ADAMTS20: variants seen among roughly 807,000 people sequenced by gnomAD.
ADAMTS20 encodes ADAM metallopeptidase with thrombospondin type 1 motif 20.
A neutral mutation model predicts 260.1 loss-of-function variants in ADAMTS20; 225 were observed. The ratio of observed to expected loss-of-function variants is 0.87; its 90% CI spans 0.78 to 0.97. The LOEUF is 0.97. ADAMTS20 is among the 50% of genes least tolerant of loss of function. ADAMTS20 has a pLI of 0.00. For missense variants in ADAMTS20, 2,400 were observed against 2,337.7 expected, an observed-to-expected ratio of 1.03 and a Z score of -0.55; for synonymous variants, 802 against 769.5, an observed-to-expected ratio of 1.04 and a Z score of -0.70.
chr12:43,532,105 G>C lies in ADAMTS20; in HGVS notation c.544C>G (p.Pro182Ala), dbSNP rs753177775. Residue 182 changes from proline (P) to alanine (A), a missense_variant, in exon 3 of 39, where the codon CCA (proline) becomes GCA (alanine). Physicochemically the swap from Pro to Ala is conservative, Grantham distance 27. Coordinates refer to ENST00000389420, the MANE Select transcript of ADAMTS20 (RefSeq NM_025003.5). The stretch of plus-strand genomic sequence containing the variant: ...AAGTCTTGTCTGTATATAAGATGTG[G>C]CTTGTTGTGACCATCTTCATATTCA... ...GNEYEDGHNK[P>A]HLIYRQDLNN... The C allele has an allele frequency of 6.2e-7, 1 of 1,612,332 alleles. No individual in the cohort carries two copies. The highest frequency in any genetic ancestry group is 8.5e-7 in the Non-Finnish European group (1 of 1,179,180).
chr12:43,439,168 T>C (rs1941611719), intron 18 of ADAMTS20, among the ~76,000 whole-genome samples: 1 of 152,206 alleles, frequency 6.6e-6, no homozygotes, highest in Non-Finnish European at 1.5e-5. Context: ...TCATGCCATC[T>C]ATACAATTAT....
intron 7 of ADAMTS20, among the ~76,000 whole-genome samples, chr12:43,486,637 A>T (rs1026646300): frequency 1.3e-5 from 2 of 152,218 alleles, no homozygotes; most frequent in African/African-American, 4.8e-5. Flanking sequence ...CAGAGTAAAA[A>T]GACAATGCAG....
At chr12:43,524,528 A>C (rs1191683676) in intron 3 of ADAMTS20, among the ~76,000 whole-genome samples, 2 of 150,856 alleles carry the variant, frequency 1.3e-5, no homozygotes, top group African/African-American at 2.4e-5. Context: ...GAAATGCCAG[A>C]TAAAGAATTC....
intron 2 of ADAMTS20, among the ~76,000 whole-genome samples, chr12:43,548,952 T>C (rs1475521877): frequency 1.2e-4 from 18 of 152,036 alleles, no homozygotes; most frequent in Non-Finnish European, 1.5e-5. Context: ...TTACTTGCCA[T>C]TCAAAGTATG....
At chr12:43,548,298 T>C (rs1291211098) in intron 2 of ADAMTS20, among the ~76,000 whole-genome samples, 2 of 152,162 alleles carry the variant, frequency 1.3e-5, no homozygotes, top group Non-Finnish European at 2.9e-5. Context: ...GAGGCCAAAG[T>C]CAGATATCAA....
At chr12:43,434,107 G>C in intron 19 of ADAMTS20, 138 bp downstream of exon 19, 1 of 910,844 alleles carries the variant, frequency 1.1e-6, no homozygotes. Context: ...CCATAAAATA[G>C]TGAGCCTGAA....
At chr12:43,523,713 T>A (rs1420693212) in intron 3 of ADAMTS20, among the ~76,000 whole-genome samples, 1 of 152,134 alleles carries the variant, frequency 6.6e-6, no homozygotes, top group Non-Finnish European at 1.5e-5. Flanking sequence ...GAGGAAGCTA[T>A]GCTCTCCTCT....
chr12:43,550,867 C>G (rs913144909), intron 2 of ADAMTS20, 42 bp downstream of exon 2: 1 of 1,488,948 alleles, frequency 6.7e-7, no homozygotes, highest in African/African-American at 1.4e-5. Context: ...GTAGCCCTTG[C>G]CTGGATCCCA....
chr12:43,379,620 C>T (rs192097863), intron 31 of ADAMTS20, among the ~76,000 whole-genome samples: 33 of 152,176 alleles, frequency 2.2e-4, no homozygotes, highest in Middle Eastern at 6.8e-3. Context: ...TTATTGGTTC[C>T]AGATATTAAG....
Position 43,454,599 on chromosome 12 carries a change from C to A in ADAMTS20, c.1615-547G>T, listed in dbSNP as rs1941931278. On this transcript the variant is annotated intron_variant, in intron 11 of 38. Transcript: ENST00000389420. ...TTCAGCCTTGCTACCTGTTAGCACA[C>A]ATGGAAAATTCACTATCCCAGACAA... Among the ~76,000 whole-genome samples, 4 of 152,190 alleles carry A rather than the reference C, an allele frequency of 2.6e-5. No individual in the cohort carries two copies. The South Asian group carries it at 8.3e-4, about 32-fold the overall frequency.
intron 31 of ADAMTS20, among the ~76,000 whole-genome samples, chr12:43,382,061 A>G (rs1182068171): frequency 6.6e-6 from 1 of 152,174 alleles, no homozygotes; most frequent in African/African-American, 2.4e-5. Flanking sequence ...TGGTGTGGCC[A>G]CTGTGGAAAA....
intron 19 of ADAMTS20, among the ~76,000 whole-genome samples, chr12:43,434,042 G>C (rs571311379): frequency 1.3e-5 from 2 of 152,008 alleles, no homozygotes; most frequent in African/African-American, 2.4e-5. Context: ...CCTATATACT[G>C]GTATTCAGAA....
rs951442632 is a variant in ADAMTS20 at position 43,551,971 on chromosome 12, A to T, written c.-50T>A. On this transcript the variant is annotated 5_prime_UTR_variant, in exon 1 of 39. Coordinates refer to ENST00000389420, the MANE Select transcript of ADAMTS20 (RefSeq NM_025003.5). This position sits in a 1 kb window ranked among gnomAD's most constrained non-coding sequence, Gnocchi z 4.6. ...GGGGAGGCCCACCAGAGCCGCCGGC[A>T]GCCAAGCCGGCTTCCCTCGCGCTCC... 6.5e-7 allele frequency: 1 copy of T among 1,532,410 alleles called. No individual in the cohort carries two copies. The highest frequency in any genetic ancestry group is 9.0e-7 in the Non-Finnish European group (1 of 1,108,896). The allele number at this position is 1,532,410 out of a possible 1,614,324, so 94.9% of individuals were successfully genotyped here. A position where few individuals can be genotyped will look rare whatever the true frequency, so the allele number is the denominator to read the frequency against.
chr12:43,432,267 T>G (rs148381545), intron 21 of ADAMTS20, 37 bp downstream of exon 21: 3 of 1,582,994 alleles, frequency 1.9e-6, no homozygotes, highest in Non-Finnish European at 2.6e-6. Context: ...ACTAACACAA[T>G]ATTTTAATAG....
At chr12:43,356,432 G>T (rs1939744037) in intron 38 of ADAMTS20, 52 bp downstream of exon 38, 4 of 1,223,506 alleles carry the variant, frequency 3.3e-6, no homozygotes, top group African/African-American at 3.0e-5. Context: ...TTTAATGCTA[G>T]TTCATAGCTC....
At chr12:43,530,068 T>C (rs1943199448) in intron 3 of ADAMTS20, among the ~76,000 whole-genome samples, 1 of 152,122 alleles carries the variant, frequency 6.6e-6, no homozygotes, top group African/African-American at 2.4e-5. Flanking sequence ...TAGATAAATA[T>C]TGTAGAAAAA....
chr12:43,543,093 A>T (rs1328064881), intron 2 of ADAMTS20, among the ~76,000 whole-genome samples: 2 of 152,144 alleles, frequency 1.3e-5, no homozygotes, highest in Non-Finnish European at 2.9e-5. Flanking sequence ...TGAGGCCAGG[A>T]GTTCAAGACC....
chr12:43,415,108 T>C (rs1467643674), intron 28 of ADAMTS20, among the ~76,000 whole-genome samples: 1 of 152,148 alleles, frequency 6.6e-6, no homozygotes, highest in African/African-American at 2.4e-5. Flanking sequence ...ATCCTAACTG[T>C]CACAAATTTT....
chr12:43,358,794 G>A (rs1264780874), intron 37 of ADAMTS20, among the ~76,000 whole-genome samples: 1 of 132,812 alleles, frequency 7.5e-6, no homozygotes, highest in African/African-American at 2.9e-5. Flanking sequence ...TCGAGATCGC[G>A]CCACTGCACT....
Sources: allele counts gnomAD v4.1 joint callset (sites outside exome capture counted in the v4.1 genomes callset), GRCh38; gene constraint gnomAD v4.1.1; non-coding constraint Gnocchi (gnomAD v3.1); transcripts MANE v1.5; gene names NCBI Gene and HGNC (gene_info 2026-07-23, HGNC 2026-07-21).